ATP8B1: variants seen among roughly 807,000 people sequenced by gnomAD.
The protein encoded by ATP8B1 is phospholipid-transporting ATPase IC.
ATP8B1 carries 80 observed loss-of-function variants against 149.9 expected under a neutral mutation model. That is an observed-to-expected ratio of 0.53 (90% confidence interval 0.45 to 0.64). ATP8B1 has a LOEUF of 0.64. Ranked by LOEUF, ATP8B1 falls within the 30% of genes least tolerant of loss-of-function variation. The probability of loss-of-function intolerance (pLI) is 0.00; values close to 1 mark genes in which losing one functional copy is unlikely to be tolerated. For missense variants in ATP8B1, 1,247 were observed against 1,552.6 expected, an observed-to-expected ratio of 0.80 and a Z score of 3.31; for synonymous variants, 536 against 562.8, an observed-to-expected ratio of 0.95 and a Z score of 0.67.
At position 57,655,288 on chromosome 18, in the gene ATP8B1, C is replaced by G; in HGVS notation, c.2837G>C (p.Arg946Thr). ...GAAGTATCGTAGGAACTTGCACATCCTTATGTAAGACCATCGGCCATGCAC... is the reference window on the plus strand; with the variant it reads ...GAAGTATCGTAGGAACTTGCACATCGTTATGTAAGACCATCGGCCATGCAC... ...LLVHGRWSYI[R>T]MCKFLRYFFY... is the part of the protein sequence containing the mutation. Residue 946 changes from arginine to threonine, a missense_variant, in exon 23 of 28, where the codon AGG becomes ACG. Around this residue, in one of 3 missense-constraint regions of ATP8B1, gnomAD observed 230 missense variants for 356.6 expected, o/e 0.65. Transcript: ENST00000648908. The G allele has an allele frequency of 6.2e-7, 1 of 1,614,178 alleles. No individual in the cohort carries two copies. The highest frequency in any genetic ancestry group is 8.5e-7 in the Non-Finnish European group (1 of 1,180,030).
chr18:57,730,788 G>T (rs2079754915), intron 2 of ATP8B1, among the ~76,000 whole-genome samples: 1 of 151,108 alleles, frequency 6.6e-6, no homozygotes, highest in African/African-American at 2.5e-5. Context: ...GCCTGACCCT[G>T]GGCAGACCAT....
In ATP8B1 at chr18:57,675,002, C is replaced by G. The variant is rs1911508049; in HGVS notation, c.1651G>C (p.Ala551Pro). The change falls in exon 16 of 28, where the codon GCC (alanine) becomes CCC (proline). Residue 551 changes from alanine (A) to proline (P), a missense_variant. Physicochemically the swap from Ala to Pro is conservative, Grantham distance 27. Transcript: ENST00000648908. ...RTDGQLNYQAASPDEGALVNA... is the reference protein window; with the variant it reads ...RTDGQLNYQAPSPDEGALVNA... ...ACCAGGGCACCTTCATCGGGAGAGGCTGCCTGGTAGTTGAGCTGACCTAAC... is the reference window on the plus strand; with the variant it reads ...ACCAGGGCACCTTCATCGGGAGAGGGTGCCTGGTAGTTGAGCTGACCTAAC... 6.2e-7 allele frequency: 1 copy of G among 1,613,974 alleles called. No individual in the cohort carries two copies.
intron 17 of ATP8B1, among the ~76,000 whole-genome samples, chr18:57,670,151 A>T (rs1456347725): frequency 6.6e-6 from 1 of 152,088 alleles, no homozygotes; most frequent in Non-Finnish European, 1.5e-5. Context: ...CACGAACCTG[A>T]CAACTTTATA....
chr18:57,716,992 T>C (rs2079588964), intron 2 of ATP8B1, among the ~76,000 whole-genome samples: 1 of 151,676 alleles, frequency 6.6e-6, no homozygotes, highest in African/African-American at 2.4e-5. Context: ...CCACAATGAG[T>C]AAAACTAGAA....
chr18:57,731,409 T>A, intron 2 of ATP8B1: 4 of 467,878 alleles, frequency 8.5e-6, no homozygotes, highest in East Asian at 4.0e-5. Flanking sequence ...GTATTTTCTC[T>A]GCAGAACTTG....
intron 25 of ATP8B1, 49 bp from the exon 26 acceptor site, chr18:57,652,221 A>C (rs776611415): frequency 6.2e-7 from 1 of 1,607,322 alleles, no homozygotes; most frequent in South Asian, 1.1e-5. Context: ...GGGAGTTAGC[A>C]AGAAATAAAG....
chr18:57,700,898 C>G, intron 6 of ATP8B1, 141 bp downstream of exon 6: 1 of 936,190 alleles, frequency 1.1e-6, no homozygotes, highest in Non-Finnish European at 1.7e-6. Context: ...GCCTGGGCGA[C>G]AGAGCGAGAC....
chr18:57,671,655 C>T (rs988300041), intron 16 of ATP8B1, 75 bp from the exon 17 acceptor site: 35 of 1,059,536 alleles, frequency 3.3e-5, no homozygotes, highest in Non-Finnish European at 4.5e-5. Context: ...CAGGGTCTTG[C>T]TCTGTTGTCC....
chr18:57,732,045 T>G, intron 1 of ATP8B1: 1 of 432,206 alleles, frequency 2.3e-6, no homozygotes, highest in South Asian at 2.2e-5. Context: ...TTAAAAAATA[T>G]GGAGCTGCAA....
At chr18:57,753,528 A>G (rs1172816981) in intron 1 of ATP8B1, among the ~76,000 whole-genome samples, 2 of 152,242 alleles carry the variant, frequency 1.3e-5, no homozygotes, top group Admixed American at 1.3e-4. Flanking sequence ...AATCACCAAC[A>G]CAGGCTCTGA....
chr18:57,746,020 T>C (rs1301969050), intron 1 of ATP8B1, among the ~76,000 whole-genome samples: 1 of 152,164 alleles, frequency 6.6e-6, no homozygotes, highest in Non-Finnish European at 1.5e-5. Flanking sequence ...AATAACACTA[T>C]CAGATGAAAC....
chr18:57,763,991 G>A (rs543609116), intron 1 of ATP8B1, among the ~76,000 whole-genome samples: 2 of 152,206 alleles, frequency 1.3e-5, no homozygotes, highest in African/African-American at 2.4e-5. Context: ...GTAAAGCTCT[G>A]AGAAGCACGA....
At chr18:57,746,555 C>T (rs975243866) in intron 1 of ATP8B1, among the ~76,000 whole-genome samples, 12 of 147,366 alleles carry the variant, frequency 8.1e-5, no homozygotes, top group African/African-American at 3.0e-4. Flanking sequence ...CTCACTACAA[C>T]CTCCGCCTCC....
In ATP8B1 at chr18:57,758,648, C is replaced by CA. The variant is rs66725093; in HGVS notation, c.-25-26817dup. 8.1e-3 allele frequency among the ~76,000 whole-genome samples: 854 copies of CA among 105,202 alleles called. 13 individuals are homozygous for CA. Among genetic ancestry groups the CA allele is most frequent in the African/African-American group, 0.025 (707 of 28,424 alleles). The allele number at this position is 105,202 out of a possible 152,430, so 69.0% of individuals were successfully genotyped here. The stretch of plus-strand genomic sequence containing the variant: ...GGGCAACAAGAGCAAAACTCTGTCT[C>CA]AAAAAAAAAAAAAAAAAAAAAGATA... On this transcript the variant is annotated intron_variant, in intron 1 of 27. Coordinates refer to ENST00000648908, the MANE Select transcript of ATP8B1 (RefSeq NM_001374385.1).
chr18:57,772,410 C>A (rs954075449), intron 1 of ATP8B1, among the ~76,000 whole-genome samples: 1 of 152,116 alleles, frequency 6.6e-6, no homozygotes, highest in African/African-American at 2.4e-5. Flanking sequence ...GGAAAGAAAT[C>A]CCTGGGGGCA....
chr18:57,739,651 C>A (rs1308580728), intron 1 of ATP8B1, among the ~76,000 whole-genome samples: 1 of 152,110 alleles, frequency 6.6e-6, no homozygotes, highest in African/African-American at 2.4e-5. Flanking sequence ...TCACACCTAC[C>A]ACATGGTAAC....
chr18:57,779,192 G>A (rs2080336573), intron 1 of ATP8B1, among the ~76,000 whole-genome samples: 1 of 152,034 alleles, frequency 6.6e-6, no homozygotes. Flanking sequence ...GCATGTGCTT[G>A]TGGTCCCAGC....
At chr18:57,731,939 A>C (rs1462327205) in intron 1 of ATP8B1, 107 bp from the exon 2 acceptor site, 2 of 1,062,788 alleles carry the variant, frequency 1.9e-6, no homozygotes, top group Non-Finnish European at 2.9e-6. Flanking sequence ...ATTGTCTAAC[A>C]TGTAAATATT....
chr18:57,680,261 G>A (rs1451298685), intron 15 of ATP8B1, among the ~76,000 whole-genome samples: 1 of 84,048 alleles, frequency 1.2e-5, no homozygotes, highest in African/African-American at 4.3e-5. Flanking sequence ...TGGGCAACAG[G>A]AGCGAGACTC....
Sources: allele counts gnomAD v4.1 joint callset (sites outside exome capture counted in the v4.1 genomes callset), GRCh38; gene constraint gnomAD v4.1.1; regional missense constraint gnomAD v4.1.1; transcripts MANE v1.5; gene names NCBI Gene and HGNC (gene_info 2026-07-23, HGNC 2026-07-21).